CACNA1D: variants seen among roughly 807,000 people sequenced by gnomAD.
CACNA1D encodes calcium voltage-gated channel subunit alpha1 D.
CACNA1D carries 55 observed loss-of-function variants against 257.1 expected under a neutral mutation model. The ratio of observed to expected loss-of-function variants is 0.21; its 90% CI spans 0.17 to 0.27. The LOEUF is 0.27. CACNA1D is among the 10% of genes least tolerant of loss of function. The probability of loss-of-function intolerance (pLI) is 1.00; values close to 1 mark genes in which losing one functional copy is unlikely to be tolerated. For missense variants in CACNA1D, 1,876 were observed against 2,784.0 expected (o/e 0.67, Z 7.34); for synonymous variants, 980 against 1,014.9 (o/e 0.97, Z 0.65).
chr3:53,766,380 T>C (rs539812208), intron 30 of CACNA1D, among the ~76,000 whole-genome samples: 1 of 152,324 alleles, frequency 6.6e-6, no homozygotes, highest in South Asian at 2.1e-4. Context: ...GTGTTACCTG[T>C]GAGCTCAGAA....
At chr3:53,609,557 A>C (rs1395403800) in intron 3 of CACNA1D, among the ~76,000 whole-genome samples, 1 of 152,192 alleles carries the variant, frequency 6.6e-6, no homozygotes, top group Non-Finnish European at 1.5e-5. Context: ...TTATTGGCAT[A>C]AAATTATTCA....
At chr3:53,724,139 T>TTG in intron 14 of CACNA1D, 140 bp downstream of exon 14, 2 of 744,554 alleles carry the variant, frequency 2.7e-6, no homozygotes, top group Non-Finnish European at 2.4e-6. Flanking sequence ...CTGGTAAATT[T>TTG]TGTGCCATTT....
intron 3 of CACNA1D, among the ~76,000 whole-genome samples, chr3:53,607,466 T>G (rs182060874): frequency 3.3e-5 from 5 of 151,862 alleles, no homozygotes; most frequent in Admixed American, 2.0e-4. Flanking sequence ...ACTTAAAGAG[T>G]GAGAACTCAA....
chr3:53,802,181 C>T lies in CACNA1D; in HGVS notation c.5435+8C>T. The T allele has an allele frequency of 6.2e-7, 1 of 1,600,982 alleles. No individual in the cohort carries two copies. The highest frequency in any genetic ancestry group is 1.3e-5 in the African/African-American group (1 of 74,804). On this transcript the variant is annotated splice_region_variant and intron_variant, in intron 43 of 47. Transcript: ENST00000350061. ...TTATGAAACTTACATTAGGTATGTG[C>T]TCATTACCTGTTTTTGTGTTAAATA...
At chr3:53,602,146 A>G (rs553875850) in intron 3 of CACNA1D, among the ~76,000 whole-genome samples, 9 of 152,294 alleles carry the variant, frequency 5.9e-5, no homozygotes, top group African/African-American at 1.9e-4. Flanking sequence ...GATAACTACC[A>G]TTCTACTCTC....
Position 53,727,170 on chromosome 3 carries a change from G to A in CACNA1D, c.2221+171G>A, listed in dbSNP as rs952999692. 4.6e-5 allele frequency among the ~76,000 whole-genome samples: 7 copies of A among 152,180 alleles called. No individual in the cohort carries two copies. In the East Asian group the frequency reaches 7.7e-4, roughly 17 times the overall value. ...TTCTTCCATGCTGCTGGGGGACAGC[G>A]TCCTGTAAGCAGAATTCCAGAGAGG... On this transcript the variant is annotated intron_variant, in intron 15 of 47. Coordinates refer to ENST00000350061, the MANE Select transcript of CACNA1D (RefSeq NM_001128840.3).
At chr3:53,653,842 C>T (rs1559472268) in intron 4 of CACNA1D, among the ~76,000 whole-genome samples, 2 of 149,472 alleles carry the variant, frequency 1.3e-5, no homozygotes. Flanking sequence ...AGAAGCTCAG[C>T]AAAGCCTGAG....
chr3:53,728,905 C>G (rs961688772), intron 15 of CACNA1D, among the ~76,000 whole-genome samples: 2 of 152,188 alleles, frequency 1.3e-5, no homozygotes, highest in African/African-American at 4.8e-5. Context: ...TAATGCCTCT[C>G]AATACAGATG....
chr3:53,660,008 C>G, intron 4 of CACNA1D, 125 bp from the exon 5 acceptor site: 51 of 760,146 alleles, frequency 6.7e-5, no homozygotes, highest in East Asian at 6.3e-5. Context: ...TTGTCTTTGT[C>G]TTCCTTTTAT....
intron 20 of CACNA1D, among the ~76,000 whole-genome samples, chr3:53,737,922 A>G (rs1378011826): frequency 2.6e-5 from 4 of 152,372 alleles, no homozygotes; most frequent in African/African-American, 7.2e-5. Flanking sequence ...CTGTGTTGTA[A>G]GGAAACTTGC....
At position 53,736,621 on chromosome 3, in the gene CACNA1D, G is replaced by C. The variant is rs2095059768; in HGVS notation, c.2751+1118G>C. ...AAGAGTTATTAATTGGCTGGGCGTG[G>C]TGGCTTATACGTATAATCCCAGCAT... On this transcript the variant is annotated intron_variant, in intron 20 of 47. Transcript: ENST00000350061. Among the ~76,000 whole-genome samples, 3 of 152,160 alleles carry C rather than the reference G, an allele frequency of 2.0e-5. No individual in the cohort carries two copies. In the South Asian group the frequency reaches 6.2e-4, roughly 31 times the overall value.
intron 4 of CACNA1D, among the ~76,000 whole-genome samples, chr3:53,651,366 C>CTTTTTTTATTTTTTTTTT (rs2094091893): frequency 1.2e-5 from 1 of 81,836 alleles, no homozygotes; most frequent in African/African-American, 4.4e-5. Context: ...TATTAATTTT[C>CTTTTTTTATTTTTTTTTT]TTTTTTTTTT....
intron 42 of CACNA1D, 77 bp downstream of exon 42, chr3:53,801,502 G>GTCTGTGC (rs949318100): frequency 1.0e-5 from 16 of 1,581,496 alleles, no homozygotes; most frequent in Non-Finnish European, 1.2e-5. Context: ...AGCAAGGCGG[G>GTCTGTGC]TCTGTGCTCT....
intron 3 of CACNA1D, among the ~76,000 whole-genome samples, chr3:53,520,754 A>G (rs1191949665): frequency 7.3e-6 from 1 of 136,938 alleles, no homozygotes; most frequent in Non-Finnish European, 1.6e-5. Context: ...CAACAGAGTG[A>G]GACTCAATCT....
chr3:53,528,924 T>C (rs72957281), intron 3 of CACNA1D, among the ~76,000 whole-genome samples: 33,075 of 152,170 alleles, frequency 0.22, 3,675 homozygotes, highest in Admixed American at 0.25. Context: ...TAGAATTTTC[T>C]ATGAACACAA....
chr3:53,675,854 C>G (rs1007926272), intron 8 of CACNA1D, among the ~76,000 whole-genome samples: 3 of 152,202 alleles, frequency 2.0e-5, no homozygotes, highest in Non-Finnish European at 4.4e-5. Flanking sequence ...CGAGACTTCT[C>G]TGCGATTTTT....
In CACNA1D at chr3:53,497,581, G is replaced by T; in HGVS notation, c.377+120G>T. The stretch of plus-strand genomic sequence containing the variant: ...GTCTGGAATGCGAGTAACAGAAGTT[G>T]TATATAAGGGGTTTCATTGTATATA... On this transcript the variant is annotated intron_variant, in intron 2 of 47. Coordinates refer to ENST00000350061, the MANE Select transcript of CACNA1D (RefSeq NM_001128840.3). 4 of 1,010,736 alleles carry T rather than the reference G, an allele frequency of 4.0e-6. No homozygotes were observed. In the South Asian group the frequency reaches 4.1e-5, roughly 10 times the overall value. 62.6% of individuals were successfully genotyped at this position (1,010,736 alleles called of 1,614,324 possible).
rs1191154650 is a variant in CACNA1D, at chr3:53,747,317, C to T, written c.3183C>T (p.Leu1061=). 20 of 1,613,520 alleles carry T rather than the reference C, an allele frequency of 1.2e-5. No individual in the cohort carries two copies. The highest frequency in any genetic ancestry group is 4.0e-5 in the African/African-American group (3 of 74,924). Reference sequence around the variant, plus strand: ...TCCTCTCCAGGGGACTTTTCATCCTCTACAAGGATGGGGATGTTGACAGTC... The same window carrying T: ...TCCTCTCCAGGGGACTTTTCATCCTTTACAAGGATGGGGATGTTGACAGTC... ...NPEECRGLFI[L]YKDGDVDSPV... is the part of the protein sequence containing the mutation. Residue 1061 remains leucine (L), a synonymous_variant, in exon 26 of 48, where the codon CTC becomes CTT. Coordinates refer to ENST00000350061, the MANE Select transcript of CACNA1D (RefSeq NM_001128840.3).
chr3:53,761,925 C>T (rs1014691143), intron 29 of CACNA1D, 73 bp from the exon 30 acceptor site: 6 of 1,049,764 alleles, frequency 5.7e-6, no homozygotes, highest in Admixed American at 1.7e-5. Flanking sequence ...GACTCGGATT[C>T]GCCCCTATAC....
Sources: gnomAD v4.1 joint callset for allele counts (sites outside exome capture counted in the v4.1 genomes callset) on GRCh38, gnomAD v4.1.1 for gene constraint, MANE v1.5 for transcripts, NCBI Gene and HGNC (gene_info 2026-07-23, HGNC 2026-07-21) for gene names.